The following CSGALNACT1 variants were observed in gnomAD, a reference collection of about 807,000 sequenced individuals.
CSGALNACT1 encodes beta4GalNAcT-1.
In CSGALNACT1, 52 loss-of-function variants were observed where a neutral mutation model predicts 51.0. The observed-to-expected ratio is 1.02, with a 90% CI of 0.82 to 1.29. The LOEUF is 1.29. Ranked by LOEUF, CSGALNACT1 falls within the 50% of genes most tolerant of loss-of-function variation. The pLI, the probability that CSGALNACT1 is intolerant of heterozygous loss-of-function variation, is 0.00. For synonymous variants in CSGALNACT1, 341 were observed against 254.4 expected (o/e 1.34, Z -3.24); for missense variants, 935 against 679.2 (o/e 1.38, Z -4.19).
chr8:19,449,472 A>G (rs2062705967), intron 5 of CSGALNACT1, among the ~76,000 whole-genome samples: 1 of 152,190 alleles, frequency 6.6e-6, no homozygotes, highest in South Asian at 2.1e-4. Flanking sequence ...TGCTGACCTG[A>G]GGCCTTTCTG....
At chr8:19,471,113 C>A (rs951301706) in intron 4 of CSGALNACT1, among the ~76,000 whole-genome samples, 1 of 150,658 alleles carries the variant, frequency 6.6e-6, no homozygotes, top group African/African-American at 2.4e-5. Context: ...AACAACAAAA[C>A]AAAAGGAGAG....
chr8:19,471,197 C>T (rs1303929650), intron 4 of CSGALNACT1, among the ~76,000 whole-genome samples: 1 of 152,122 alleles, frequency 6.6e-6, no homozygotes, highest in East Asian at 1.9e-4. Flanking sequence ...GGGAAGAAAG[C>T]CTCCAATGGG....
At chr8:19,695,868 A>C (rs928781937) in intron 1 of CSGALNACT1, among the ~76,000 whole-genome samples, 2 of 152,184 alleles carry the variant, frequency 1.3e-5, no homozygotes, top group African/African-American at 2.4e-5. Context: ...TGGAGGAAGA[A>C]AAAAAATCAA....
chr8:19,672,855 G>C (rs991503795), intron 1 of CSGALNACT1, among the ~76,000 whole-genome samples: 2 of 152,114 alleles, frequency 1.3e-5, no homozygotes, highest in Non-Finnish European at 2.9e-5. Context: ...AAAAAAACAG[G>C]CTACATCAGT....
chr8:19,592,757 C>T (rs766117984), intron 2 of CSGALNACT1, among the ~76,000 whole-genome samples: 12 of 152,060 alleles, frequency 7.9e-5, no homozygotes, highest in Non-Finnish European at 1.5e-5. Flanking sequence ...GGGACAAAGA[C>T]AGACCCTGTC....
chr8:19,429,023 C>A (rs758144118), intron 6 of CSGALNACT1, among the ~76,000 whole-genome samples: 1 of 152,082 alleles, frequency 6.6e-6, no homozygotes, highest in African/African-American at 2.4e-5. Flanking sequence ...GTTTTCATCA[C>A]CCCAAAAGGA....
At chr8:19,612,752 C>A (rs80132660) in intron 1 of CSGALNACT1, among the ~76,000 whole-genome samples, 328 of 151,918 alleles carry the variant, frequency 2.2e-3, no homozygotes, top group African/African-American at 7.5e-3. Flanking sequence ...ATTTCTAATT[C>A]TTATTCGTTC....
At chr8:19,561,051 G>C (rs1226057302) in intron 3 of CSGALNACT1, among the ~76,000 whole-genome samples, 1 of 152,166 alleles carries the variant, frequency 6.6e-6, no homozygotes, top group East Asian at 1.9e-4. Context: ...ACATACAAAG[G>C]CTGACTTCAT....
intron 1 of CSGALNACT1, among the ~76,000 whole-genome samples, chr8:19,673,139 T>C (rs1050121389): frequency 1.2e-4 from 18 of 152,354 alleles, no homozygotes; most frequent in Middle Eastern, 3.4e-3. Flanking sequence ...GCTGTGACCA[T>C]TGTCCTTTCT....
At chr8:19,599,472 A>AAAAGAAAGAACG (rs2049815112) in intron 2 of CSGALNACT1, among the ~76,000 whole-genome samples, 1 of 113,736 alleles carries the variant, frequency 8.8e-6, no homozygotes, top group Non-Finnish European at 1.7e-5. Context: ...GAAAGAAAGA[A>AAAAGAAAGAACG]AAAGAAAGAA....
intron 1 of CSGALNACT1, among the ~76,000 whole-genome samples, chr8:19,690,966 T>C (rs1016535014): frequency 2.6e-5 from 4 of 152,172 alleles, no homozygotes; most frequent in African/African-American, 9.7e-5. Context: ...GTGGCTCATG[T>C]CTGTAATGCC....
At chr8:19,658,164 C>CAT (rs2058455083) in intron 1 of CSGALNACT1, among the ~76,000 whole-genome samples, 1 of 150,130 alleles carries the variant, frequency 6.7e-6, no homozygotes, top group Non-Finnish European at 1.5e-5. Context: ...TAGATGAGGT[C>CAT]ATGAGGGTGT....
chr8:19,647,083 G>C (rs1325317576), intron 1 of CSGALNACT1, among the ~76,000 whole-genome samples: 1 of 152,054 alleles, frequency 6.6e-6, no homozygotes, highest in Non-Finnish European at 1.5e-5. Context: ...CTTAAGTGCA[G>C]CATCACAGGC....
At chr8:19,454,686 G>T (rs1457227022) in intron 5 of CSGALNACT1, among the ~76,000 whole-genome samples, 3 of 151,936 alleles carry the variant, frequency 2.0e-5, no homozygotes, top group African/African-American at 7.3e-5. Flanking sequence ...ATAAATAAAT[G>T]ATTGCTAACA....
chr8:19,727,006 A>T (rs2063435176), intron 1 of CSGALNACT1, among the ~76,000 whole-genome samples: 1 of 152,176 alleles, frequency 6.6e-6, no homozygotes, highest in Non-Finnish European at 1.5e-5. Context: ...AGGAATGAAT[A>T]AACTCCAGCA....
At chr8:19,450,104 A>G (rs2062845384) in intron 5 of CSGALNACT1, among the ~76,000 whole-genome samples, 1 of 91,654 alleles carries the variant, frequency 1.1e-5, no homozygotes, top group Non-Finnish European at 2.2e-5. Context: ...GGGGAGGAGG[A>G]AGGGGAAGAG....
intron 4 of CSGALNACT1, among the ~76,000 whole-genome samples, chr8:19,472,419 G>A (rs1243778944): frequency 6.6e-6 from 1 of 152,226 alleles, no homozygotes; most frequent in Non-Finnish European, 1.5e-5. Flanking sequence ...AGTAGAGGAT[G>A]TGCAGTCTAA....
chr8:19,492,545 C>G (rs979796648), intron 4 of CSGALNACT1, among the ~76,000 whole-genome samples: 1 of 152,196 alleles, frequency 6.6e-6, no homozygotes, highest in Non-Finnish European at 1.5e-5. Context: ...TGGAGCTAGC[C>G]TGCCAACCTG....
chr8:19,482,744 T>C (rs935239344), intron 4 of CSGALNACT1, among the ~76,000 whole-genome samples: 1 of 152,160 alleles, frequency 6.6e-6, no homozygotes, highest in African/African-American at 2.4e-5. Flanking sequence ...GAAAATCTCA[T>C]CCATCTCCAC....
Sources: gnomAD v4.1 joint callset for allele counts (sites outside exome capture counted in the v4.1 genomes callset) on GRCh38, gnomAD v4.1.1 for gene constraint, MANE v1.5 for transcripts, NCBI Gene and HGNC (gene_info 2026-07-23, HGNC 2026-07-21) for gene names.